LOC128462377: variants seen among roughly 807,000 people sequenced by gnomAD.
At chr16:89,398,632 C>G in the LOC128462377 span, among the ~76,000 whole-genome samples, 1 of 152,192 alleles carries the variant, frequency 6.6e-6, no homozygotes, top group South Asian at 2.1e-4. Context: ...GTTTCAGATA[C>G]TCAGGGGGCT....
the LOC128462377 span, among the ~76,000 whole-genome samples, chr16:89,349,133 G>GAAAAAAAAAAAAAAAAA: frequency 6.4e-4 from 1 of 1,574 alleles, no homozygotes; most frequent in African/African-American, 4.3e-3. Flanking sequence ...GTCTCAAAAA[G>GAAAAAAAAAAAAAAAAA]TAAAAAAAAA....
the LOC128462377 span, among the ~76,000 whole-genome samples, chr16:89,337,429 CTTTT>C: frequency 3.2e-4 from 17 of 53,132 alleles, no homozygotes; most frequent in East Asian, 2.4e-3. Flanking sequence ...CTAAGCAATT[CTTTT>C]TTTTTTTTTT....
the LOC128462377 span, among the ~76,000 whole-genome samples, chr16:89,401,961 C>T: frequency 3.4e-5 from 5 of 148,298 alleles, no homozygotes; most frequent in Non-Finnish European, 5.9e-5. Flanking sequence ...CCTCCAGCAC[C>T]GCAGAAGGAA....
At chr16:89,342,990 T>C in the LOC128462377 span, among the ~76,000 whole-genome samples, 4 of 152,188 alleles carry the variant, frequency 2.6e-5, no homozygotes, top group African/African-American at 9.7e-5. Flanking sequence ...ATAAAGACTA[T>C]GTACTCATGT....
At chr16:89,383,674 C>G in the LOC128462377 span, among the ~76,000 whole-genome samples, 2 of 152,140 alleles carry the variant, frequency 1.3e-5, no homozygotes, top group Non-Finnish European at 2.9e-5. Flanking sequence ...CTCGGACCAG[C>G]AACGCAGCAG....
At chr16:89,365,459 A>T in the LOC128462377 span, among the ~76,000 whole-genome samples, 1 of 152,200 alleles carries the variant, frequency 6.6e-6, no homozygotes, top group Admixed American at 6.5e-5. Flanking sequence ...CCCAGATGAG[A>T]GGCCTGTGCT....
At chr16:89,327,099 GAATGCAGAGGTTGGA>G in the LOC128462377 span, among the ~76,000 whole-genome samples, 1 of 44,776 alleles carries the variant, frequency 2.2e-5, no homozygotes, top group African/African-American at 8.6e-5. Flanking sequence ...CAGAGGTGGG[GAATGCAGAGGTTGGA>G]AATGCAGAGG....
At chr16:89,340,285 T>C in the LOC128462377 span, among the ~76,000 whole-genome samples, 1 of 152,244 alleles carries the variant, frequency 6.6e-6, no homozygotes, top group Non-Finnish European at 1.5e-5. Flanking sequence ...ATTTTTGTTG[T>C]TGTTGTTTTT....
chr16:89,374,198 A>G, the LOC128462377 span, among the ~76,000 whole-genome samples: 1 of 152,244 alleles, frequency 6.6e-6, no homozygotes, highest in South Asian at 2.1e-4. Flanking sequence ...AAAAACATTA[A>G]TATCAGACTT....
chr16:89,417,240 G>T, the LOC128462377 span, among the ~76,000 whole-genome samples: 2 of 152,194 alleles, frequency 1.3e-5, no homozygotes, highest in Non-Finnish European at 2.9e-5. Context: ...GCTCCCGAAA[G>T]AAGCTGCAGG....
At chr16:89,335,360 C>G in the LOC128462377 span, among the ~76,000 whole-genome samples, 1 of 152,228 alleles carries the variant, frequency 6.6e-6, no homozygotes, top group African/African-American at 2.4e-5. Flanking sequence ...CACACCGAGG[C>G]ATCCGTGAGT....
chr16:89,327,608 C>T, the LOC128462377 span, among the ~76,000 whole-genome samples: 3 of 152,166 alleles, frequency 2.0e-5, no homozygotes, highest in African/African-American at 4.8e-5. Context: ...ACAGTACCAT[C>T]CTATTTCTGC....
At chr16:89,361,725 T>G in the LOC128462377 span, 2 of 152,156 alleles carry the variant, frequency 1.3e-5, no homozygotes, top group Non-Finnish European at 2.9e-5. Context: ...AAATATCACT[T>G]TCAAGCTTAA....
At chr16:89,374,522 G>A in the LOC128462377 span, among the ~76,000 whole-genome samples, 2 of 152,222 alleles carry the variant, frequency 1.3e-5, no homozygotes, top group Non-Finnish European at 2.9e-5. Context: ...AGAATTCAGA[G>A]CCGATGGCCT....
chr16:89,415,071 C>T, the LOC128462377 span, among the ~76,000 whole-genome samples: 3 of 151,696 alleles, frequency 2.0e-5, no homozygotes, highest in South Asian at 6.2e-4. Context: ...CGCTCAGCCT[C>T]CCCAAGTAGC....
the LOC128462377 span, among the ~76,000 whole-genome samples, chr16:89,414,008 G>A: frequency 2.0e-5 from 3 of 152,018 alleles, no homozygotes; most frequent in African/African-American, 7.2e-5. Context: ...CTGACTTCCA[G>A]CCCAGCCACC....
the LOC128462377 span, among the ~76,000 whole-genome samples, chr16:89,335,489 C>T: frequency 6.6e-6 from 1 of 152,216 alleles, no homozygotes; most frequent in Non-Finnish European, 1.5e-5. Context: ...TGGGTTAGGG[C>T]AGGTGCTCTC....
the LOC128462377 span, among the ~76,000 whole-genome samples, chr16:89,354,164 A>G: frequency 8.2e-3 from 1,245 of 151,812 alleles, 18 homozygotes; most frequent in African/African-American, 0.028. Flanking sequence ...GGAGGAAAGT[A>G]TACCTTTACC....
chr16:89,357,678 C>T, the LOC128462377 span, among the ~76,000 whole-genome samples: 1 of 152,206 alleles, frequency 6.6e-6, no homozygotes, highest in African/African-American at 2.4e-5. Flanking sequence ...CGACTCAGCC[C>T]TAACGAGGAA....
Sources: gnomAD v4.1 joint callset for allele counts (sites outside exome capture counted in the v4.1 genomes callset) on GRCh38, gnomAD v4.1.1 for gene constraint, MANE v1.5 for transcripts.